The following BLTP3B variants were observed in gnomAD, a reference collection of about 807,000 sequenced individuals.
BLTP3B encodes the protein bridge-like lipid transfer protein family member 3B.
chr12:100,096,858 T>C, the BLTP3B span, among the ~76,000 whole-genome samples: 1 of 151,902 alleles, frequency 6.6e-6, no homozygotes, highest in Admixed American at 6.6e-5. Flanking sequence ...GGCAGGAGGA[T>C]CACATGACTC....
At chr12:100,124,930 A>T in the BLTP3B span, among the ~76,000 whole-genome samples, 1 of 101,472 alleles carries the variant, frequency 9.9e-6, no homozygotes, top group African/African-American at 3.6e-5. Context: ...TTAAAAAAAA[A>T]AAATTTTATA....
chr12:100,053,427 G>T, the BLTP3B span, among the ~76,000 whole-genome samples: 1 of 151,962 alleles, frequency 6.6e-6, no homozygotes. Context: ...TATATTTTTT[G>T]GCTACAGAAT....
the BLTP3B span, among the ~76,000 whole-genome samples, chr12:100,044,197 C>T: frequency 6.6e-6 from 1 of 152,022 alleles, no homozygotes; most frequent in African/African-American, 2.4e-5. Flanking sequence ...TCCTCTTCAC[C>T]TGAGCTATTA....
At chr12:100,123,243 G>A in the BLTP3B span, among the ~76,000 whole-genome samples, 1 of 152,176 alleles carries the variant, frequency 6.6e-6, no homozygotes, top group African/African-American at 2.4e-5. Context: ...GGGTGCTTGG[G>A]ATGTATGAGA....
chr12:100,089,293 T>C, the BLTP3B span, among the ~76,000 whole-genome samples: 1 of 152,192 alleles, frequency 6.6e-6, no homozygotes, highest in African/African-American at 2.4e-5. Context: ...AAAACTAGGC[T>C]CATGCCTGTA....
At chr12:100,065,303 G>GAA in the BLTP3B span, among the ~76,000 whole-genome samples, 1 of 144,756 alleles carries the variant, frequency 6.9e-6, no homozygotes. Context: ...AGTGCACCTT[G>GAA]AAAAAAAAAA....
the BLTP3B span, among the ~76,000 whole-genome samples, chr12:100,064,799 T>A: frequency 6.6e-6 from 1 of 150,592 alleles, no homozygotes; most frequent in African/African-American, 2.4e-5. Flanking sequence ...CTCAAAATCT[T>A]GAAACAAATC....
chr12:100,070,573 C>T, the BLTP3B span, among the ~76,000 whole-genome samples: 1 of 152,128 alleles, frequency 6.6e-6, no homozygotes, highest in Non-Finnish European at 1.5e-5. Flanking sequence ...AGAAGTTTAA[C>T]CCAAACTAGG....
chr12:100,068,644 G>GA, the BLTP3B span, among the ~76,000 whole-genome samples: 2 of 151,966 alleles, frequency 1.3e-5, no homozygotes, highest in South Asian at 2.1e-4. Context: ...AAATCAACAA[G>GA]AAAAAAACAA....
At chr12:100,083,763 AAAAAG>A in the BLTP3B span, among the ~76,000 whole-genome samples, 1 of 152,190 alleles carries the variant, frequency 6.6e-6, no homozygotes, top group African/African-American at 2.4e-5. Context: ...GACTTAAAAA[AAAAAG>A]AAACCTTCTA....
the BLTP3B span, among the ~76,000 whole-genome samples, chr12:100,073,105 C>T: frequency 3.7e-3 from 563 of 152,172 alleles, 7 homozygotes; most frequent in African/African-American, 0.013. Context: ...AAAATGATAA[C>T]GATATTCTAT....
the BLTP3B span, among the ~76,000 whole-genome samples, chr12:100,079,401 A>G: frequency 6.6e-6 from 1 of 152,208 alleles, no homozygotes; most frequent in African/African-American, 2.4e-5. Context: ...ACTGGAAGAA[A>G]GGTGACTCTT....
At chr12:100,058,839 TTATGAACATGAAC>T in the BLTP3B span, 7 of 1,613,980 alleles carry the variant, frequency 4.3e-6, no homozygotes, top group Non-Finnish European at 5.9e-6. Flanking sequence ...ACTGACATGT[TTATGAACATGAAC>T]TAGGAGATGA....
chr12:100,111,707 G>A, the BLTP3B span, among the ~76,000 whole-genome samples: 5 of 152,146 alleles, frequency 3.3e-5, no homozygotes, highest in African/African-American at 1.2e-4. Flanking sequence ...CTGGGTTCAA[G>A]CGATTCTCCT....
chr12:100,058,538 A>C, the BLTP3B span: 19 of 1,613,082 alleles, frequency 1.2e-5, no homozygotes, highest in South Asian at 1.9e-4. Flanking sequence ...TATCCCTACT[A>C]ATTTGTTTTC....
chr12:100,069,831 A>T, the BLTP3B span: 1 of 533,420 alleles, frequency 1.9e-6, no homozygotes, highest in Non-Finnish European at 2.4e-6. Flanking sequence ...GTAACAAAAC[A>T]CCACCTTTTC....
the BLTP3B span, among the ~76,000 whole-genome samples, chr12:100,084,928 ACT>A: frequency 3.9e-5 from 6 of 152,084 alleles, no homozygotes; most frequent in African/African-American, 1.4e-4. Flanking sequence ...AAGCCATATG[ACT>A]CGTCACCCTT....
At chr12:100,037,448 A>G in the BLTP3B span, 23 of 1,345,368 alleles carry the variant, frequency 1.7e-5, no homozygotes, top group Non-Finnish European at 2.1e-5. Context: ...CAAAACAACC[A>G]AAAGATTGTA....
At chr12:100,050,015 A>G in the BLTP3B span, among the ~76,000 whole-genome samples, 14 of 152,314 alleles carry the variant, frequency 9.2e-5, no homozygotes, top group South Asian at 2.9e-3. Context: ...AGCTCCACAC[A>G]CTATAGAAAA....
Sources: gnomAD v4.1 joint callset for allele counts (sites outside exome capture counted in the v4.1 genomes callset) on GRCh38, gnomAD v4.1.1 for gene constraint, MANE v1.5 for transcripts, NCBI Gene and HGNC (gene_info 2026-07-23, HGNC 2026-07-21) for gene names.